The following LRRC24 variants were observed in gnomAD, a reference collection of about 807,000 sequenced individuals.
LRRC24 encodes leucine-rich repeat-containing protein 24.
Under a neutral mutation model 15.3 loss-of-function variants are expected in LRRC24, and 19 were observed. The observed-to-expected ratio is 1.25, with a 90% CI of 0.87 to 1.83. The LOEUF (loss-of-function observed/expected upper bound fraction) is 1.83. Ranked by LOEUF, LRRC24 falls within the 40% of genes most tolerant of loss-of-function variation. The pLI is 0.00. For missense variants in LRRC24, 914 were observed against 723.9 expected, an observed-to-expected ratio of 1.26 and a Z score of -3.01; for synonymous variants, 469 against 359.6, an observed-to-expected ratio of 1.30 and a Z score of -3.44.
chr8:144,523,535 A>AC (rs1816218417), intron 4 of LRRC24, 126 bp from the exon 5 acceptor site: 1 of 1,364,476 alleles, frequency 7.3e-7, no homozygotes, highest in African/African-American at 1.6e-5. Context: ...CACGGAGTCC[A>AC]AGGCCCTGCC....
At chr8:144,526,047 G>C (rs1351804623) in intron 1 of LRRC24, 1 of 152,218 alleles carries the variant, frequency 6.6e-6, no homozygotes, top group African/African-American at 2.4e-5. Flanking sequence ...AAACAGGGCT[G>C]CAGGTGTCCT....
Position 144,522,932 on chromosome 8 carries a change from A to G in LRRC24, c.1085T>C (p.Val362Ala), listed in dbSNP as rs751573481. The G allele has an allele frequency of 6.5e-7, 1 of 1,533,094 alleles. No individual in the cohort carries two copies. Among genetic ancestry groups the G allele is most frequent in the East Asian group, 2.6e-5 (1 of 38,522 alleles). The allele number at this position is 1,533,094 out of a possible 1,614,324, so 95.0% of individuals were successfully genotyped here. Residue 362 changes from valine to alanine, a missense_variant, in exon 5 of 5, where the codon GTC becomes GCC. By Grantham distance (64) the Val-to-Ala change is moderately conservative. Coordinates refer to ENST00000529415, the MANE Select transcript of LRRC24 (RefSeq NM_001024678.4). ...CTGCGGCTGCTGCCGGGACGCGTTG[A>G]CCAGGAGCCGGAAGGGCACGCGGGC... is the stretch of plus-strand genomic sequence containing the variant. The part of the protein sequence containing the change: ...GAARVPFRLL[V>A]NASRQQPQQP...
At chr8:144,525,464 G>T (rs1816329118) in intron 1 of LRRC24, among the ~76,000 whole-genome samples, 1 of 152,178 alleles carries the variant, frequency 6.6e-6, no homozygotes, top group Non-Finnish European at 1.5e-5. Context: ...AAAGCCCGGG[G>T]TCCCATTACC....
At chr8:144,526,801 T>C (rs992784258) in intron 1 of LRRC24, 159 bp downstream of exon 1, 5 of 152,340 alleles carry the variant, frequency 3.3e-5, no homozygotes, top group East Asian at 1.9e-4. Flanking sequence ...CGAGAGCCGG[T>C]TGATTTTCGG....
chr8:144,522,672 AG>A lies in LRRC24; in HGVS notation c.1344del (p.Tyr449ThrfsTer11). The A allele has an allele frequency of 6.3e-7, 1 of 1,595,770 alleles. No homozygotes were observed. Among genetic ancestry groups the A allele is most frequent in the Non-Finnish European group, 8.5e-7 (1 of 1,172,440 alleles). On this transcript the variant is annotated frameshift_variant, in exon 5 of 5. Transcript: ENST00000529415. LOFTEE classifies it low-confidence loss of function (END_TRUNC). Reference protein sequence around the residue: ...PPGEGALFVNDYLDGPCTFAQ... With the variant: ...PPGEGALFVNXYLDGPCTFAQ... ...GCGAACGTACAGGGGCCGTCCAAGTAGTCGTTGACGAACAGCGCTCCCTCCC... is the reference window on the plus strand; with the variant it reads ...GCGAACGTACAGGGGCCGTCCAAGTATCGTTGACGAACAGCGCTCCCTCCC...
chr8:144,523,345 C>T lies in LRRC24; in HGVS notation c.672G>A (p.Gln224=). The T allele has an allele frequency of 6.3e-7, 1 of 1,586,878 alleles. No individual in the cohort carries two copies. The highest frequency in any genetic ancestry group is 1.1e-5 in the South Asian group (1 of 88,610). ...TCCTGTCCCTGGAGGTGAGCAGCCG[C>T]TGGCCGCCCTCCTTGATCCAGGCAC... is the stretch of plus-strand genomic sequence containing the variant. The part of the protein sequence containing the change: ...WLGAWIKEGG[Q]RLLTSRDRKI... Residue 224 remains glutamine, a synonymous_variant, in exon 5 of 5, where the codon CAG becomes CAA. Coordinates refer to ENST00000529415, the MANE Select transcript of LRRC24 (RefSeq NM_001024678.4).
chr8:144,523,454 A>AACT, intron 4 of LRRC24, 45 bp from the exon 5 acceptor site: 1 of 1,500,280 alleles, frequency 6.7e-7, no homozygotes, highest in Non-Finnish European at 8.9e-7. Flanking sequence ...GGTGCTGCTA[A>AACT]AACAGCCTGT....
Position 144,522,512 on chromosome 8 carries a change from C to T in LRRC24, c.1505G>A (p.Arg502His), listed in dbSNP as rs776668995. 7.3e-6 allele frequency: 11 copies of T among 1,500,918 alleles called. No homozygotes were observed. Among genetic ancestry groups the T allele is most frequent in the Admixed American group, 4.6e-5 (2 of 43,174 alleles). The allele number at this position is 1,500,918 out of a possible 1,614,324, so 93.0% of individuals were successfully genotyped here. The change falls in exon 5 of 5, where the codon CGC becomes CAC. Residue 502 changes from arginine (R) to histidine (H), a missense_variant. Coordinates refer to ENST00000529415, the MANE Select transcript of LRRC24 (RefSeq NM_001024678.4). The part of the protein sequence containing the change: ...GPEQGAGPGL[R>H]VPPPVAYEIH... Reference sequence around the variant, plus strand: ...CTCGTAGGCGACCGGCGGGGGCACGCGGAGTCCCGGCCCCGCCCCCTGTTC... The same window carrying T: ...CTCGTAGGCGACCGGCGGGGGCACGTGGAGTCCCGGCCCCGCCCCCTGTTC...
At position 144,523,164 on chromosome 8, in the gene LRRC24, C is replaced by A; in HGVS notation, c.853G>T (p.Gly285Cys). 1 of 1,610,676 alleles carries A rather than the reference C, an allele frequency of 6.2e-7. No homozygotes were observed. The highest frequency in any genetic ancestry group is 1.1e-5 in the South Asian group (1 of 90,864). Residue 285 changes from glycine (G) to cysteine (C), a missense_variant, in exon 5 of 5, where the codon GGC (glycine) becomes TGC (cysteine). Transcript: ENST00000529415. Reference protein sequence around the residue: ...EDLRVACQASGYPQPLVTWRK... With the variant: ...EDLRVACQASCYPQPLVTWRK... ...CAGGTCACCAATGGCTGCGGGTAGCCGGAGGCTTGGCAGGCAACCCGCAGG... is the reference window on the plus strand; with the variant it reads ...CAGGTCACCAATGGCTGCGGGTAGCAGGAGGCTTGGCAGGCAACCCGCAGG...
rs1446150581 is a variant in LRRC24, at chr8:144,523,328, C to T, written c.689G>A (p.Arg230Lys). Reference protein sequence around the residue: ...KEGGQRLLTSRDRKIMCAEPP... With the variant: ...KEGGQRLLTSKDRKIMCAEPP... ...CTCTGCACACATGATCTTCCTGTCCCTGGAGGTGAGCAGCCGCTGGCCGCC... is the reference window on the plus strand; with the variant it reads ...CTCTGCACACATGATCTTCCTGTCCTTGGAGGTGAGCAGCCGCTGGCCGCC... Residue 230 changes from arginine (R) to lysine (K), a missense_variant, in exon 5 of 5, where the codon AGG (arginine) becomes AAG (lysine). Physicochemically the swap from Arg to Lys is conservative, Grantham distance 26. Transcript: ENST00000529415. 3.1e-6 allele frequency: 5 copies of T among 1,597,928 alleles called. No individual in the cohort carries two copies. In the East Asian group the frequency reaches 6.8e-5, roughly 22 times the overall value.
In LRRC24 at chr8:144,524,651, C is replaced by T. The variant is rs1286227515; in HGVS notation, c.228G>A (p.Leu76=). The T allele has an allele frequency of 6.7e-6, 10 of 1,503,392 alleles. No homozygotes were observed. Among genetic ancestry groups the T allele is most frequent in the Non-Finnish European group, 7.0e-6 (8 of 1,135,892 alleles). The allele number at this position is 1,503,392 out of a possible 1,614,324, so 93.1% of individuals were successfully genotyped here. A position where few individuals can be genotyped will look rare whatever the true frequency, so the allele number is the denominator to read the frequency against. ...TGTTGTTGTGCAGGTAGAGCCGGCG[C>T]AGAGCGGCGAGTGGCGCCAGGGCTC... The part of the protein sequence containing the change: ...EPGALAPLAA[L]RRLYLHNNSL... Residue 76 remains leucine, a synonymous_variant, in exon 3 of 5, where the codon CTG becomes CTA. Transcript: ENST00000529415.
At chr8:144,526,617 G>A (rs1180080476) in intron 1 of LRRC24, 1 of 152,286 alleles carries the variant, frequency 6.6e-6, no homozygotes, top group East Asian at 1.9e-4. Flanking sequence ...CGCGACGACT[G>A]TCACTGCCTC....
chr8:144,524,752 C>T lies in LRRC24; in HGVS notation c.160-33G>A, dbSNP rs1389651849. The T allele has an allele frequency of 6.3e-6, 9 of 1,438,596 alleles. No homozygotes were observed. In the African/African-American group the frequency reaches 7.4e-5, roughly 12 times the overall value. 89.1% of individuals were successfully genotyped at this position (1,438,596 alleles called of 1,614,324 possible). A position where few individuals can be genotyped will look rare whatever the true frequency, so the allele number is the denominator to read the frequency against. On this transcript the variant is annotated intron_variant, in intron 2 of 4. Coordinates refer to ENST00000529415, the MANE Select transcript of LRRC24 (RefSeq NM_001024678.4). ...CCGGGGAAAGAGGAGGCGCTTACCC[C>T]GTTGCGGGGGTCTTCCTCTCCCTGG...
chr8:144,522,518 C>T lies in LRRC24; in HGVS notation c.1499G>A (p.Gly500Glu), dbSNP rs763094376. Residue 500 changes from glycine to glutamate, a missense_variant, in exon 5 of 5, where the codon GGA becomes GAA. Coordinates refer to ENST00000529415, the MANE Select transcript of LRRC24 (RefSeq NM_001024678.4). ...DCGPEQGAGP[G>E]LRVPPPVAYE... Reference sequence around the variant, plus strand: ...GGCGACCGGCGGGGGCACGCGGAGTCCCGGCCCCGCCCCCTGTTCCGGGCC... The same window carrying T: ...GGCGACCGGCGGGGGCACGCGGAGTTCCGGCCCCGCCCCCTGTTCCGGGCC... 14 of 1,507,668 alleles carry T rather than the reference C, an allele frequency of 9.3e-6. No homozygotes were observed. The highest frequency in any genetic ancestry group is 2.2e-5 in the Admixed American group (1 of 44,506). The allele number at this position is 1,507,668 out of a possible 1,614,324, so 93.4% of individuals were successfully genotyped here.
Position 144,524,530 on chromosome 8 carries a change from C to A in LRRC24, c.349G>T (p.Ala117Ser). 1.3e-6 allele frequency: 2 copies of A among 1,588,222 alleles called. No individual in the cohort carries two copies. Among genetic ancestry groups the A allele is most frequent in the Non-Finnish European group, 1.7e-6 (2 of 1,175,798 alleles). Residue 117 changes from alanine (A) to serine (S), a missense_variant, in exon 3 of 5, where the codon GCC (alanine) becomes TCC (serine). Transcript: ENST00000529415. Reference protein sequence around the residue: ...SNRLRGLRSGAFVGLAQLRVL... With the variant: ...SNRLRGLRSGSFVGLAQLRVL... Reference sequence around the variant, plus strand: ...CGCAGCTGGGCCAGGCCTACGAAGGCGCCGCTGCGCAAGCCGCGCAGCCGG... The same window carrying A: ...CGCAGCTGGGCCAGGCCTACGAAGGAGCCGCTGCGCAAGCCGCGCAGCCGG...
Position 144,524,633 on chromosome 8 carries a change from G to A in LRRC24, c.246C>T (p.His82=), listed in dbSNP as rs926639009. 1 of 1,521,152 alleles carries A rather than the reference G, an allele frequency of 6.6e-7. No individual in the cohort carries two copies. Among genetic ancestry groups the A allele is most frequent in the Non-Finnish European group, 8.8e-7 (1 of 1,142,560 alleles). 94.2% of individuals were successfully genotyped at this position (1,521,152 alleles called of 1,614,324 possible). Residue 82 remains histidine (H), a synonymous_variant, in exon 3 of 5, where the codon CAC becomes CAT. Coordinates refer to ENST00000529415, the MANE Select transcript of LRRC24 (RefSeq NM_001024678.4). ...PLAALRRLYL[H]NNSLRALEAG... Reference sequence around the variant, plus strand: ...CCTCCAGGGCGCGCAGGCTGTTGTTGTGCAGGTAGAGCCGGCGCAGAGCGG... The same window carrying A: ...CCTCCAGGGCGCGCAGGCTGTTGTTATGCAGGTAGAGCCGGCGCAGAGCGG...
Position 144,523,129 on chromosome 8 carries a change from C to T in LRRC24, c.888G>A (p.Val296=), listed in dbSNP as rs1816194779. ...GCGGCCGGCCCTCGCGAGGCTGGGG[C>T]ACCTTTCTCCAGGTCACCAATGGCT... is the stretch of plus-strand genomic sequence containing the variant. ...YPQPLVTWRK[V]PQPREGRPRA... Residue 296 remains valine (V), a synonymous_variant, in exon 5 of 5, where the codon GTG becomes GTA. Coordinates refer to ENST00000529415, the MANE Select transcript of LRRC24 (RefSeq NM_001024678.4). The T allele has an allele frequency of 2.5e-6, 4 of 1,610,192 alleles. No individual in the cohort carries two copies. The highest frequency in any genetic ancestry group is 1.3e-5 in the African/African-American group (1 of 74,930).
At position 144,524,579 on chromosome 8, in the gene LRRC24, C is replaced by T. The variant is rs1816281545; in HGVS notation, c.300G>A (p.Leu100=). ...EAGAFRAQPR[L]LELALTSNRL... is the part of the protein sequence containing the mutation. ...GGTTGCTAGTGAGCGCCAGCTCCAG[C>T]AGGCGCGGCTGCGCGCGGAAGGCGC... The change falls in exon 3 of 5, where the codon CTG becomes CTA. Residue 100 remains leucine, a synonymous_variant. Transcript: ENST00000529415. The T allele has an allele frequency of 6.5e-7, 1 of 1,547,354 alleles. No individual in the cohort carries two copies. Among genetic ancestry groups the T allele is most frequent in the Non-Finnish European group, 8.6e-7 (1 of 1,156,210 alleles).
intron 1 of LRRC24, 126 bp downstream of exon 1, chr8:144,526,834 C>T (rs890367263): frequency 6.6e-6 from 1 of 152,266 alleles, no homozygotes; most frequent in Non-Finnish European, 1.5e-5. Context: ...AGGGCGTGGC[C>T]TCCGCGTTCC....
Sources: gnomAD v4.1 joint callset for allele counts (sites outside exome capture counted in the v4.1 genomes callset) on GRCh38, gnomAD v4.1.1 for gene constraint, MANE v1.5 for transcripts, NCBI Gene and HGNC (gene_info 2026-07-23, HGNC 2026-07-21) for gene names.